The following NCMAP variants were observed in gnomAD, a reference collection of about 807,000 sequenced individuals.
NCMAP encodes the protein noncompact myelin-associated protein.
A neutral mutation model predicts 7.8 loss-of-function variants in NCMAP; 8 were observed. The observed-to-expected ratio is 1.02, with a 90% CI of 0.60 to 1.84. The LOEUF (loss-of-function observed/expected upper bound fraction) is 1.84. NCMAP is among the 40% of genes most tolerant of loss of function. The pLI, the probability that NCMAP is intolerant of heterozygous loss-of-function variation, is 0.00. For missense variants in NCMAP, 112 were observed against 131.4 expected (o/e 0.85, Z 0.72); for synonymous variants, 41 against 52.9 (o/e 0.78, Z 0.98).
chr1:24,604,325 G>A (rs9658911), intron 3 of NCMAP, among the ~76,000 whole-genome samples: 8,098 of 151,490 alleles, frequency 0.053, 735 homozygotes, highest in African/African-American at 0.19. Flanking sequence ...CTATAATCCC[G>A]GCACCCCAGG....
intron 2 of NCMAP, among the ~76,000 whole-genome samples, chr1:24,600,226 C>T (rs1652429807): frequency 6.6e-6 from 1 of 152,192 alleles, no homozygotes; most frequent in South Asian, 2.1e-4. Flanking sequence ...TCTTGGCTCA[C>T]TGCAGCCTCA....
chr1:24,605,687 C>CA lies in NCMAP; in HGVS notation c.250dup (p.Ser84LysfsTer13), dbSNP rs1286953964. ...CTGCCGTGGGCCCAAACAGCAACGG[C>CA]AGCCAACACCCAGCAACTGTGACCT... On this transcript the variant is annotated frameshift_variant, in exon 4 of 4. Transcript: ENST00000374392. LOFTEE classifies it high-confidence loss of function. The CA allele has an allele frequency of 6.2e-7, 1 of 1,614,206 alleles. No homozygotes were observed. The highest frequency in any genetic ancestry group is 1.7e-5 in the Admixed American group (1 of 60,022).
intron 1 of NCMAP, among the ~76,000 whole-genome samples, chr1:24,566,929 C>A (rs991599694): frequency 3.3e-5 from 5 of 152,086 alleles, no homozygotes; most frequent in Middle Eastern, 3.2e-3. Flanking sequence ...GGCCCAAAAA[C>A]CCTTTGCCAG....
intron 1 of NCMAP, among the ~76,000 whole-genome samples, chr1:24,557,785 G>A (rs1466874890): frequency 6.6e-6 from 1 of 152,180 alleles, no homozygotes; most frequent in African/African-American, 2.4e-5. Flanking sequence ...GGCTGGGGCC[G>A]AGATGAGCTG....
At chr1:24,577,666 A>G (rs377654527) in intron 1 of NCMAP, among the ~76,000 whole-genome samples, 51 of 150,768 alleles carry the variant, frequency 3.4e-4, no homozygotes, top group East Asian at 1.8e-3. Flanking sequence ...CCCATCCCCA[A>G]TTTTTTTTCT....
intron 1 of NCMAP, among the ~76,000 whole-genome samples, chr1:24,573,962 A>AAAAAAAAAAAC (rs1651469762): frequency 6.9e-6 from 1 of 145,904 alleles, no homozygotes; most frequent in Non-Finnish European, 1.5e-5. Context: ...CAAAAAAAAA[A>AAAAAAAAAAAC]AAAAAAAAAC....
intron 1 of NCMAP, among the ~76,000 whole-genome samples, chr1:24,577,416 T>TG (rs1557596564): frequency 6.8e-6 from 1 of 146,186 alleles, no homozygotes; most frequent in Non-Finnish European, 1.5e-5. Context: ...TTTTTTTTTT[T>TG]TTTTTTTTTT....
chr1:24,560,022 G>A (rs1017091089), intron 1 of NCMAP, among the ~76,000 whole-genome samples: 4 of 152,020 alleles, frequency 2.6e-5, no homozygotes, highest in Non-Finnish European at 5.9e-5. Flanking sequence ...TTAGCCGGGC[G>A]TGGTGGCGGG....
chr1:24,600,879 C>A, intron 2 of NCMAP, 61 bp from the exon 3 acceptor site: 2 of 1,455,370 alleles, frequency 1.4e-6, no homozygotes, highest in South Asian at 1.1e-5. Context: ...CACAGCAGGG[C>A]GCCCTCCTGG....
chr1:24,589,504 G>A (rs1282002125), intron 1 of NCMAP: 1 of 152,290 alleles, frequency 6.6e-6, no homozygotes, highest in African/African-American at 2.4e-5. Flanking sequence ...CTCTGAGAGA[G>A]AAGAGCTACT....
chr1:24,577,404 T>TTTTTG (rs1651608004), intron 1 of NCMAP, among the ~76,000 whole-genome samples: 1 of 93,064 alleles, frequency 1.1e-5, no homozygotes, highest in African/African-American at 4.0e-5. Flanking sequence ...TGGCCTTGTT[T>TTTTTG]TTTTTTTTTT....
intron 1 of NCMAP, among the ~76,000 whole-genome samples, chr1:24,577,845 C>T (rs946197148): frequency 7.9e-5 from 12 of 151,980 alleles, no homozygotes; most frequent in Non-Finnish European, 4.4e-5. Flanking sequence ...AGGAGAGATG[C>T]ATGGGCCGGG....
In NCMAP at chr1:24,565,572, TTGTGTGTGTGTGTGTGTGTG is replaced by T. The variant is rs58714256; in HGVS notation, c.-8+9427_-8+9446del. On this transcript the variant is annotated intron_variant, in intron 1 of 3. Transcript: ENST00000374392. Reference sequence around the variant, plus strand: ...GGCCATTTTTAGAAGTGATAGAAGATTGTGTGTGTGTGTGTGTGTGTGTGTGTGTGTGTGTGTGTGTGTTT... The same window carrying T: ...GGCCATTTTTAGAAGTGATAGAAGATTGTGTGTGTGTGTGTGTGTGTGTTT... Among the ~76,000 whole-genome samples, 1,099 of 143,766 alleles carry T rather than the reference TTGTGTGTGTGTGTGTGTGTG, an allele frequency of 7.6e-3. 14 individuals carry two copies. The highest frequency in any genetic ancestry group is 0.027 in the African/African-American group (1,029 of 38,774). 94.3% of individuals were successfully genotyped at this position (143,766 alleles called of 152,430 possible).
intron 1 of NCMAP, among the ~76,000 whole-genome samples, chr1:24,592,536 A>G (rs1652078243): frequency 6.6e-6 from 1 of 152,190 alleles, no homozygotes; most frequent in Non-Finnish European, 1.5e-5. Flanking sequence ...ACTAATGGTC[A>G]AGGGAGTGGT....
At chr1:24,583,662 G>T (rs1570527774) in intron 1 of NCMAP, among the ~76,000 whole-genome samples, 1 of 149,838 alleles carries the variant, frequency 6.7e-6, no homozygotes, top group East Asian at 2.0e-4. Context: ...GTTGCAGTGA[G>T]CTGAGATCAC....
At chr1:24,598,403 C>T (rs61425728) in intron 2 of NCMAP, among the ~76,000 whole-genome samples, 5,296 of 152,142 alleles carry the variant, frequency 0.035, 147 homozygotes, top group Middle Eastern at 0.12. Flanking sequence ...TCCTCCACCC[C>T]CCCAAGGGGA....
At chr1:24,600,858 A>G (rs1278784965) in intron 2 of NCMAP, 82 bp from the exon 3 acceptor site, 5 of 1,134,248 alleles carry the variant, frequency 4.4e-6, no homozygotes, top group Non-Finnish European at 6.7e-6. Context: ...CCTAGTGAGG[A>G]TGTCAGGTGC....
intron 1 of NCMAP, among the ~76,000 whole-genome samples, chr1:24,585,568 G>A (rs186248023): frequency 6.6e-6 from 1 of 152,164 alleles, no homozygotes; most frequent in Non-Finnish European, 1.5e-5. Flanking sequence ...CCTTAGAGAT[G>A]ATCTCCAAAC....
intron 2 of NCMAP, among the ~76,000 whole-genome samples, chr1:24,599,640 C>T (rs142980580): frequency 2.5e-4 from 38 of 152,186 alleles, no homozygotes; most frequent in African/African-American, 6.3e-4. Flanking sequence ...TGCAGTGGCA[C>T]GATCTCGGCT....
Sources: gnomAD v4.1 joint callset for allele counts (sites outside exome capture counted in the v4.1 genomes callset) on GRCh38, gnomAD v4.1.1 for gene constraint, MANE v1.5 for transcripts, NCBI Gene and HGNC (gene_info 2026-07-23, HGNC 2026-07-21) for gene names.